The following PTPRD variants were observed in gnomAD, a reference collection of about 807,000 sequenced individuals.
PTPRD encodes protein tyrosine phosphatase receptor type D, also known as receptor-type tyrosine-protein phosphatase delta.
In PTPRD, 34 loss-of-function variants were observed where a neutral mutation model predicts 214.5. That is an observed-to-expected ratio of 0.16 (90% CI 0.12 to 0.21). The LOEUF is 0.21. PTPRD is among the 10% of genes least tolerant of loss of function. PTPRD has a pLI of 1.00. For synonymous variants in PTPRD, 1,128 were observed against 845.7 expected (o/e 1.33, Z -5.79); for missense variants, 2,545 against 2,398.7 (o/e 1.06, Z -1.27).
At chr9:9,785,170 T>A (rs1368107154) in intron 5 of PTPRD, among the ~76,000 whole-genome samples, 1 of 151,982 alleles carries the variant, frequency 6.6e-6, no homozygotes, top group Non-Finnish European at 1.5e-5. Flanking sequence ...ACAAAAATCT[T>A]ATTGTATAAT....
chr9:8,691,520 G>C (rs2097800708), intron 12 of PTPRD, among the ~76,000 whole-genome samples: 1 of 152,056 alleles, frequency 6.6e-6, no homozygotes. Flanking sequence ...CTCCTGGTTG[G>C]TCAGAATCTC....
intron 8 of PTPRD, among the ~76,000 whole-genome samples, chr9:9,461,413 C>A (rs1248688915): frequency 1.3e-5 from 2 of 151,886 alleles, no homozygotes; most frequent in East Asian, 3.9e-4. Context: ...AAATTAATGT[C>A]CCCAAATCAG....
intron 10 of PTPRD, among the ~76,000 whole-genome samples, chr9:9,153,962 G>A (rs2099879034): frequency 6.6e-6 from 1 of 152,142 alleles, no homozygotes; most frequent in African/African-American, 2.4e-5. Context: ...ATTCTTCCTG[G>A]AGGAATATAC....
chr9:9,486,038 C>G (rs958464046), intron 8 of PTPRD, among the ~76,000 whole-genome samples: 3 of 151,546 alleles, frequency 2.0e-5, no homozygotes, highest in Non-Finnish European at 2.9e-5. Flanking sequence ...GTAGTCCCAG[C>G]TACTTGGGAG....
At chr9:10,360,893 G>A (rs1469447172) in intron 2 of PTPRD, among the ~76,000 whole-genome samples, 2 of 152,118 alleles carry the variant, frequency 1.3e-5, no homozygotes, top group Non-Finnish European at 2.9e-5. Flanking sequence ...GCGAGGTCAG[G>A]AGATCGAGGC....
intron 2 of PTPRD, among the ~76,000 whole-genome samples, chr9:10,447,585 C>T (rs2098808674): frequency 6.6e-6 from 1 of 151,970 alleles, no homozygotes; most frequent in Non-Finnish European, 1.5e-5. Context: ...CATTGAAAAA[C>T]AATAATATAA....
intron 7 of PTPRD, among the ~76,000 whole-genome samples, chr9:9,577,282 G>A (rs2089197077): frequency 6.6e-6 from 1 of 152,136 alleles, no homozygotes; most frequent in Non-Finnish European, 1.5e-5. Flanking sequence ...GGAAAGCATT[G>A]GCTGGGCATG....
At position 8,316,809 on chromosome 9, in the gene PTPRD, C is replaced by G. The variant is rs906728085; in HGVS notation, c.*1065G>C. ...TCCTCATTTCCCTTTAAAGAAATAC[C>G]AATATGTCAAAAAATTAAGAATAAA... On this transcript the variant is annotated 3_prime_UTR_variant, in exon 46 of 46. Coordinates refer to ENST00000381196, the MANE Select transcript of PTPRD (RefSeq NM_002839.4). 1 of 230,936 alleles carries G rather than the reference C, an allele frequency of 4.3e-6. No individual in the cohort carries two copies. Among genetic ancestry groups the G allele is most frequent in the East Asian group, 6.1e-5 (1 of 16,290 alleles). The allele number at this position is 230,936 out of a possible 1,614,324, so 14.3% of individuals were successfully genotyped here.
At chr9:9,789,579 G>T (rs1174588) in intron 5 of PTPRD, among the ~76,000 whole-genome samples, 2 of 151,596 alleles carry the variant, frequency 1.3e-5, no homozygotes, top group African/African-American at 4.8e-5. Flanking sequence ...GGGCGGATCA[G>T]GAGATCAGGA....
At chr9:8,387,576 A>C (rs911603617) in intron 37 of PTPRD, among the ~76,000 whole-genome samples, 4 of 152,198 alleles carry the variant, frequency 2.6e-5, no homozygotes, top group African/African-American at 9.6e-5. Context: ...GCATGCCGTA[A>C]TATAATAGTT....
chr9:10,327,103 A>G (rs535778737), intron 3 of PTPRD, among the ~76,000 whole-genome samples: 1 of 150,416 alleles, frequency 6.6e-6, no homozygotes, highest in South Asian at 2.1e-4. Flanking sequence ...CACATATATC[A>G]TGTACATTAC....
chr9:9,015,281 C>T (rs1462196847), intron 11 of PTPRD, among the ~76,000 whole-genome samples: 2 of 152,044 alleles, frequency 1.3e-5, no homozygotes, highest in African/African-American at 4.8e-5. Flanking sequence ...GAGGTCAACA[C>T]AAGATACAGA....
At chr9:9,743,932 AAC>A (rs2098433725) in intron 6 of PTPRD, among the ~76,000 whole-genome samples, 1 of 152,154 alleles carries the variant, frequency 6.6e-6, no homozygotes, top group Admixed American at 6.6e-5. Context: ...TCCTTATAGA[AAC>A]AGTGACATTA....
intron 5 of PTPRD, among the ~76,000 whole-genome samples, chr9:9,862,546 G>A (rs989010424): frequency 3.3e-5 from 5 of 152,144 alleles, no homozygotes; most frequent in Non-Finnish European, 7.3e-5. Flanking sequence ...TTCTGACATG[G>A]CAAAGGCTTC....
chr9:10,169,415 A>C (rs1408155476), intron 3 of PTPRD, among the ~76,000 whole-genome samples: 7 of 143,926 alleles, frequency 4.9e-5, no homozygotes, highest in African/African-American at 1.6e-4. Flanking sequence ...CGGAGCTTGC[A>C]GTGAGCAGAG....
intron 3 of PTPRD, among the ~76,000 whole-genome samples, chr9:10,175,938 T>G (rs17620334): frequency 6.6e-6 from 1 of 151,840 alleles, no homozygotes; most frequent in Non-Finnish European, 1.5e-5. Flanking sequence ...TTTTCCAACA[T>G]CTTTTTGTAC....
chr9:9,045,272 G>C (rs890148300), intron 10 of PTPRD, among the ~76,000 whole-genome samples: 5 of 152,072 alleles, frequency 3.3e-5, no homozygotes, highest in Admixed American at 1.3e-4. Context: ...AGGCTTCAAG[G>C]GTCAGTCATG....
At chr9:8,839,906 T>C (rs2097525762) in intron 11 of PTPRD, among the ~76,000 whole-genome samples, 1 of 152,218 alleles carries the variant, frequency 6.6e-6, no homozygotes, top group African/African-American at 2.4e-5. Context: ...GGTAAAATGA[T>C]AACTGATGTA....
intron 7 of PTPRD, among the ~76,000 whole-genome samples, chr9:9,631,930 T>C (rs2095607683): frequency 6.6e-6 from 1 of 152,118 alleles, no homozygotes; most frequent in South Asian, 2.1e-4. Flanking sequence ...ATACTAATTC[T>C]CTCTAAGAAG....
Sources: allele counts gnomAD v4.1 joint callset (sites outside exome capture counted in the v4.1 genomes callset), GRCh38; gene constraint gnomAD v4.1.1; transcripts MANE v1.5; gene names NCBI Gene and HGNC (gene_info 2026-07-23, HGNC 2026-07-21).